The following NRG3 variants were observed in gnomAD, a reference collection of about 807,000 sequenced individuals.
NRG3 encodes pro-neuregulin-3, membrane-bound isoform.
In NRG3, 31 loss-of-function variants were observed where a neutral mutation model predicts 66.9. The ratio of observed to expected loss-of-function variants is 0.46; its 90% CI spans 0.35 to 0.63. The LOEUF (loss-of-function observed/expected upper bound fraction) is 0.63, where lower values mean the gene tolerates loss of function less well. NRG3 is among the 20% of genes least tolerant of loss of function. The probability of loss-of-function intolerance (pLI) is 0.00; values close to 1 mark genes in which losing one functional copy is unlikely to be tolerated. For missense variants in NRG3, 910 were observed against 878.9 expected, an observed-to-expected ratio of 1.04 and a Z score of -0.45; for synonymous variants, 393 against 359.4, an observed-to-expected ratio of 1.09 and a Z score of -1.06.
chr10:82,584,914 C>T (rs77829658), intron 2 of NRG3, among the ~76,000 whole-genome samples: 1,626 of 148,982 alleles, frequency 0.011, 24 homozygotes, highest in African/African-American at 0.037. Context: ...AGAGTTGGCA[C>T]AGGGTTTTAA....
chr10:82,201,708 A>T (rs2074837072), intron 1 of NRG3, among the ~76,000 whole-genome samples: 1 of 152,148 alleles, frequency 6.6e-6, no homozygotes, highest in African/African-American at 2.4e-5. Flanking sequence ...ACCAGTCAAG[A>T]TACCTTTCAA....
chr10:82,305,291 G>T (rs1035592216), intron 1 of NRG3, among the ~76,000 whole-genome samples: 4 of 151,822 alleles, frequency 2.6e-5, no homozygotes, highest in African/African-American at 9.7e-5. Context: ...TACCGCGCCC[G>T]GCCCAAGTCA....
At chr10:82,095,253 C>G (rs944812521) in intron 1 of NRG3, among the ~76,000 whole-genome samples, 7 of 151,520 alleles carry the variant, frequency 4.6e-5, no homozygotes, top group Non-Finnish European at 1.0e-4. Context: ...CTTCATGTTT[C>G]TGTACTTTTA....
chr10:82,385,375 ACAAT>A (rs997541423), intron 2 of NRG3, among the ~76,000 whole-genome samples: 4 of 152,110 alleles, frequency 2.6e-5, no homozygotes, highest in Non-Finnish European at 4.4e-5. Context: ...TTCTTCTCAG[ACAAT>A]CAAGAATAAC....
chr10:82,604,213 CT>C (rs1193692518), intron 2 of NRG3, among the ~76,000 whole-genome samples: 6 of 152,138 alleles, frequency 3.9e-5, no homozygotes, highest in African/African-American at 1.4e-4. Context: ...CTCCTTCCCC[CT>C]GAACCCTTGG....
chr10:82,134,911 T>G (rs974231586), intron 1 of NRG3, among the ~76,000 whole-genome samples: 1 of 151,880 alleles, frequency 6.6e-6, no homozygotes. Flanking sequence ...TCACCTGAGG[T>G]CAGGAGTTCA....
intron 1 of NRG3, among the ~76,000 whole-genome samples, chr10:82,201,790 G>A (rs1386589570): frequency 6.6e-6 from 1 of 152,050 alleles, no homozygotes; most frequent in African/African-American, 2.4e-5. Flanking sequence ...ATTTTATTAA[G>A]TATCTTTTCT....
chr10:82,651,972 C>A (rs2051450076), intron 2 of NRG3, among the ~76,000 whole-genome samples: 1 of 152,202 alleles, frequency 6.6e-6, no homozygotes, highest in South Asian at 2.1e-4. Context: ...GTTCTTGACT[C>A]CTTGTGGGAG....
Position 82,927,281 on chromosome 10 carries a change from T to G in NRG3, c.1055-24188T>G, listed in dbSNP as rs188293150. ...TTCTTGTGGCAATTCAAAAAAATAC[T>G]TAAAAATTAGTTTGAGACATTATTT... On this transcript the variant is annotated intron_variant, in intron 4 of 8. Transcript: ENST00000372141. 3.3e-5 allele frequency among the ~76,000 whole-genome samples: 5 copies of G among 152,352 alleles called. No individual in the cohort carries two copies. In the East Asian group the frequency reaches 9.6e-4, roughly 29 times the overall value.
chr10:82,484,689 C>T (rs1842541275), intron 2 of NRG3, among the ~76,000 whole-genome samples: 4 of 152,168 alleles, frequency 2.6e-5, no homozygotes, highest in Non-Finnish European at 4.4e-5. Flanking sequence ...CAGTGATTAC[C>T]TTATGAAATA....
chr10:82,284,924 A>G (rs1476063976), intron 1 of NRG3, among the ~76,000 whole-genome samples: 1 of 152,186 alleles, frequency 6.6e-6, no homozygotes, highest in African/African-American at 2.4e-5. Context: ...TAGTAGACAG[A>G]AAAACATTAC....
intron 2 of NRG3, among the ~76,000 whole-genome samples, chr10:82,403,754 A>G (rs1193223591): frequency 6.6e-6 from 1 of 152,140 alleles, no homozygotes; most frequent in Non-Finnish European, 1.5e-5. Flanking sequence ...TAGAGGGACA[A>G]TGGCAGAGAG....
intron 3 of NRG3, among the ~76,000 whole-genome samples, chr10:82,789,952 A>G (rs1325911024): frequency 6.6e-6 from 1 of 152,106 alleles, no homozygotes; most frequent in Non-Finnish European, 1.5e-5. Context: ...TCTAGGATTG[A>G]TAACAACTTA....
At chr10:82,243,573 T>G (rs1383879427) in intron 1 of NRG3, among the ~76,000 whole-genome samples, 1 of 152,174 alleles carries the variant, frequency 6.6e-6, no homozygotes, top group Non-Finnish European at 1.5e-5. Flanking sequence ...GACTTTACAC[T>G]TTCCAACAGT....
chr10:82,400,032 A>T (rs1011219837), intron 2 of NRG3, among the ~76,000 whole-genome samples: 1 of 152,332 alleles, frequency 6.6e-6, no homozygotes, highest in South Asian at 2.1e-4. Context: ...ATGGGAGAAG[A>T]TAACTAGCAG....
In NRG3 at chr10:82,985,892, G is replaced by A. The variant is rs996598279; in HGVS notation, c.*287G>A. 7.0e-6 allele frequency: 2 copies of A among 284,926 alleles called. No homozygotes were observed. The highest frequency in any genetic ancestry group is 6.5e-6 in the Non-Finnish European group (1 of 153,194). 17.6% of individuals were successfully genotyped at this position (284,926 alleles called of 1,614,324 possible). Reference sequence around the variant, plus strand: ...GCTCTTAGAAGATGTGGGCAATTCAGACCCTTGGCCCCACAGTGCCAGTGT... The same window carrying A: ...GCTCTTAGAAGATGTGGGCAATTCAAACCCTTGGCCCCACAGTGCCAGTGT... On this transcript the variant is annotated 3_prime_UTR_variant, in exon 9 of 9. Transcript: ENST00000372141.
intron 2 of NRG3, among the ~76,000 whole-genome samples, chr10:82,370,160 C>T (rs2084786250): frequency 7.2e-6 from 1 of 139,272 alleles, no homozygotes; most frequent in African/African-American, 3.3e-5. Flanking sequence ...TGACAGCCTT[C>T]TGTATCCCAA....
chr10:82,125,199 T>G (rs1241540288), intron 1 of NRG3, among the ~76,000 whole-genome samples: 1 of 151,982 alleles, frequency 6.6e-6, no homozygotes, highest in Non-Finnish European at 1.5e-5. Flanking sequence ...GTCATGAATT[T>G]AATTTAAGCA....
rs61261285 is a variant in NRG3 at position 82,442,784 on chromosome 10, A to ATTTTTTTTTTTTTTTTTTTT, written c.953+83928_953+83947dup. Among the ~76,000 whole-genome samples, 5 of 54,274 alleles carry ATTTTTTTTTTTTTTTTTTTT rather than the reference A, an allele frequency of 9.2e-5. 1 individual carries two copies. The highest frequency in any genetic ancestry group is 1.3e-4 in the Non-Finnish European group (4 of 31,056). 35.6% of individuals were successfully genotyped at this position (54,274 alleles called of 152,430 possible). On this transcript the variant is annotated intron_variant, in intron 2 of 8. Coordinates refer to ENST00000372141, the MANE Select transcript of NRG3 (RefSeq NM_001010848.4). Reference sequence around the variant, plus strand: ...CACCAAAGATCTTATTTCTGTGTGGATTTTTTTTTTTTTTTTTTTTTTTTT... The same window carrying ATTTTTTTTTTTTTTTTTTTT: ...CACCAAAGATCTTATTTCTGTGTGGATTTTTTTTTTTTTTTTTTTTTTTTTTTTTTTTTTTTTTTTTTTTT...
Sources: gnomAD v4.1 joint callset for allele counts (sites outside exome capture counted in the v4.1 genomes callset) on GRCh38, gnomAD v4.1.1 for gene constraint, MANE v1.5 for transcripts, NCBI Gene and HGNC (gene_info 2026-07-23, HGNC 2026-07-21) for gene names.